TASP1: variants seen among roughly 807,000 people sequenced by gnomAD.
TASP1 encodes taspase 1.
TASP1 carries 16 observed loss-of-function variants against 56.6 expected under a neutral mutation model. That is an observed-to-expected ratio of 0.28 (90% CI 0.19 to 0.43). The LOEUF (loss-of-function observed/expected upper bound fraction) is 0.43, where lower values mean the gene tolerates loss of function less well. Among genes scored for constraint, TASP1 ranks in the 20% least tolerant of loss-of-function variants. TASP1 has a pLI of 1.00. For synonymous variants in TASP1, 179 were observed against 184.2 expected (o/e 0.97, Z 0.23); for missense variants, 393 against 511.6 (o/e 0.77, Z 2.24).
chr20:13,421,216 G>A (rs965752313), intron 12 of TASP1, among the ~76,000 whole-genome samples: 9 of 148,464 alleles, frequency 6.1e-5, no homozygotes, highest in Non-Finnish European at 1.0e-4. Flanking sequence ...AGGTTCAAGC[G>A]ATTCTCGATT....
chr20:13,178,380 A>G, the TASP1 span, among the ~76,000 whole-genome samples: 1 of 152,126 alleles, frequency 6.6e-6, no homozygotes, highest in Admixed American at 6.6e-5. Flanking sequence ...GAACTAACAT[A>G]AAAGGAATCC....
intron 10 of TASP1, among the ~76,000 whole-genome samples, 175 bp downstream of exon 10, chr20:13,528,258 A>G (rs1232212396): frequency 6.6e-6 from 1 of 151,632 alleles, no homozygotes; most frequent in South Asian, 2.1e-4. Flanking sequence ...AATGTTAGCA[A>G]AGTATTTACA....
intron 7 of TASP1, among the ~76,000 whole-genome samples, chr20:13,561,057 T>C (rs965566581): frequency 4.6e-5 from 7 of 152,160 alleles, no homozygotes; most frequent in Non-Finnish European, 8.8e-5. Flanking sequence ...GTTGATATAT[T>C]CAAAGTGCTG....
chr20:13,400,022 C>T (rs1310350211), intron 13 of TASP1, among the ~76,000 whole-genome samples: 1 of 152,186 alleles, frequency 6.6e-6, no homozygotes, highest in East Asian at 1.9e-4. Flanking sequence ...GTGAAACCTA[C>T]CTAACGCTGG....
At chr20:13,164,946 T>C in the TASP1 span, 1 of 1,227,490 alleles carries the variant, frequency 8.1e-7, no homozygotes, top group East Asian at 2.6e-5. Flanking sequence ...ATAAATGGAT[T>C]TCTCCCCCTT....
chr20:13,161,457 C>T, the TASP1 span, among the ~76,000 whole-genome samples: 2 of 152,080 alleles, frequency 1.3e-5, no homozygotes, highest in Non-Finnish European at 2.9e-5. Context: ...TGTAATTGTC[C>T]AGATATGAGC....
the TASP1 span, among the ~76,000 whole-genome samples, chr20:13,314,185 GAAGA>G: frequency 6.6e-6 from 1 of 152,118 alleles, no homozygotes; most frequent in Non-Finnish European, 1.5e-5. Context: ...ACAAGAAGGA[GAAGA>G]AAGAGCAGAA....
At chr20:13,545,856 C>G (rs949102108) in intron 8 of TASP1, among the ~76,000 whole-genome samples, 1 of 152,100 alleles carries the variant, frequency 6.6e-6, no homozygotes, top group Non-Finnish European at 1.5e-5. Flanking sequence ...GGACTTTTAT[C>G]TTTCTTTCTA....
At chr20:13,306,998 C>T in the TASP1 span, among the ~76,000 whole-genome samples, 1 of 152,324 alleles carries the variant, frequency 6.6e-6, no homozygotes, top group South Asian at 2.1e-4. Flanking sequence ...CTCTTGAGGG[C>T]TCCCTCCTGC....
intron 2 of TASP1, among the ~76,000 whole-genome samples, chr20:13,627,967 C>T (rs1466997076): frequency 6.6e-6 from 1 of 152,154 alleles, no homozygotes; most frequent in Non-Finnish European, 1.5e-5. Context: ...ATTGCTGTAA[C>T]TTATGCACTG....
chr20:13,318,136 A>AAAAAAAATAAAT, the TASP1 span, among the ~76,000 whole-genome samples: 2 of 145,038 alleles, frequency 1.4e-5, no homozygotes, highest in Admixed American at 6.9e-5. Flanking sequence ...GACACTTGAA[A>AAAAAAAATAAAT]AAATAAATAA....
the TASP1 span, among the ~76,000 whole-genome samples, chr20:13,139,336 T>C: frequency 6.6e-6 from 1 of 152,222 alleles, no homozygotes; most frequent in African/African-American, 2.4e-5. Flanking sequence ...AGTTAAGTTA[T>C]GTTACTTGTT....
the TASP1 span, among the ~76,000 whole-genome samples, chr20:13,345,699 CAGAG>C: frequency 0.017 from 2,635 of 152,200 alleles, 73 homozygotes; most frequent in African/African-American, 0.058. Flanking sequence ...GCACTGGAAT[CAGAG>C]TGAGTGGAAC....
chr20:13,598,095 T>C (rs2047812983), intron 4 of TASP1, among the ~76,000 whole-genome samples: 1 of 152,138 alleles, frequency 6.6e-6, no homozygotes, highest in Non-Finnish European at 1.5e-5. Flanking sequence ...GTCATGAAAA[T>C]GGCCATAGTG....
chr20:13,614,065 C>T (rs1011714071), intron 4 of TASP1, among the ~76,000 whole-genome samples: 1 of 152,124 alleles, frequency 6.6e-6, no homozygotes, highest in African/African-American at 2.4e-5. Flanking sequence ...AAAGTTCTTG[C>T]TGCAGTTGAT....
chr20:13,496,273 T>G (rs2043724116), intron 10 of TASP1, among the ~76,000 whole-genome samples: 1 of 152,184 alleles, frequency 6.6e-6, no homozygotes, highest in South Asian at 2.1e-4. Flanking sequence ...CAGGCTGGTC[T>G]CAAACTCCTG....
the TASP1 span, among the ~76,000 whole-genome samples, chr20:13,219,445 C>T: frequency 2.6e-5 from 4 of 151,180 alleles, no homozygotes; most frequent in African/African-American, 9.7e-5. Context: ...TTTCGCGTTT[C>T]CCCCCACTCC....
At chr20:13,174,726 A>G in the TASP1 span, among the ~76,000 whole-genome samples, 1 of 151,980 alleles carries the variant, frequency 6.6e-6, no homozygotes, top group Non-Finnish European at 1.5e-5. Context: ...GATATTCCAT[A>G]GAAGATGAAC....
At chr20:13,441,563 A>G (rs1294425059) in intron 11 of TASP1, among the ~76,000 whole-genome samples, 2 of 152,130 alleles carry the variant, frequency 1.3e-5, no homozygotes, top group African/African-American at 4.8e-5. Flanking sequence ...AAATGCAGAG[A>G]CTCTGAGGTG....
Sources: gnomAD v4.1 joint callset for allele counts (sites outside exome capture counted in the v4.1 genomes callset) on GRCh38, gnomAD v4.1.1 for gene constraint, MANE v1.5 for transcripts, NCBI Gene and HGNC (gene_info 2026-07-23, HGNC 2026-07-21) for gene names.